Variants in NCOA3 observed in about 807,000 individuals in gnomAD.
NCOA3 encodes CBP-interacting protein.
A neutral mutation model predicts 158.8 loss-of-function variants in NCOA3; 51 were observed. That is an observed-to-expected ratio of 0.32 (90% CI 0.26 to 0.41). The LOEUF (loss-of-function observed/expected upper bound fraction) is 0.41. Among genes scored for constraint, NCOA3 ranks in the 10% least tolerant of loss-of-function variants. NCOA3 has a pLI of 1.00. For synonymous variants in NCOA3, 537 were observed against 592.4 expected, an observed-to-expected ratio of 0.91 and a Z score of 1.36; for missense variants, 1,510 against 1,746.6, an observed-to-expected ratio of 0.86 and a Z score of 2.41.
At chr20:47,563,269 A>G (rs1741747509) in intron 1 of NCOA3, among the ~76,000 whole-genome samples, 3 of 152,380 alleles carry the variant, frequency 2.0e-5, no homozygotes, top group African/African-American at 7.2e-5. Flanking sequence ...TAAAAATTAC[A>G]ACAAAATTAT....
At chr20:47,523,134 C>G (rs1288260427) in intron 1 of NCOA3, among the ~76,000 whole-genome samples, 1 of 152,112 alleles carries the variant, frequency 6.6e-6, no homozygotes, top group Non-Finnish European at 1.5e-5. Context: ...TGCAGTGAGC[C>G]GAGATCGCGC....
At chr20:47,514,965 A>G (rs6125037) in intron 1 of NCOA3, among the ~76,000 whole-genome samples, 46,822 of 150,594 alleles carry the variant, frequency 0.31, 8,012 homozygotes, top group Non-Finnish European at 0.39. Flanking sequence ...GATTACAGGC[A>G]TGAGCCACCA....
intron 22 of NCOA3, 145 bp from the exon 23 acceptor site, chr20:47,653,261 T>C (rs1042526229): frequency 6.7e-6 from 8 of 1,190,410 alleles, no homozygotes; most frequent in Non-Finnish European, 9.3e-6. Flanking sequence ...CAGAGCTGCA[T>C]TGTAAGATGG....
rs1406540806 is a variant in NCOA3 at position 47,558,315 on chromosome 20, CA to C, written c.-98-24867del. ...CAGGCTGGTCTCAAACTCTTGACCT[CA>C]GGTGATCTGCCTGCCTCGGCGTCCC... On this transcript the variant is annotated intron_variant, in intron 1 of 22. Coordinates refer to ENST00000371998, the MANE Select transcript of NCOA3 (RefSeq NM_181659.3). Among the ~76,000 whole-genome samples the C allele has an allele frequency of 2.2e-5, 3 of 137,002 alleles. No homozygotes were observed. In the Admixed American group the frequency reaches 2.4e-4, roughly 11 times the overall value. The allele number at this position is 137,002 out of a possible 152,430, so 89.9% of individuals were successfully genotyped here.
chr20:47,577,641 T>C (rs142576273), intron 1 of NCOA3, among the ~76,000 whole-genome samples: 1 of 152,322 alleles, frequency 6.6e-6, no homozygotes, highest in African/African-American at 2.4e-5. Context: ...CCTAATTAAT[T>C]GATGGCAGCA....
At chr20:47,557,224 T>C (rs2085021023) in intron 1 of NCOA3, among the ~76,000 whole-genome samples, 1 of 148,802 alleles carries the variant, frequency 6.7e-6, no homozygotes, top group South Asian at 2.1e-4. Flanking sequence ...TTCAGAAAGC[T>C]TTAATAGCTT....
chr20:47,560,864 G>C (rs766256834), intron 1 of NCOA3, among the ~76,000 whole-genome samples: 9 of 151,600 alleles, frequency 5.9e-5, no homozygotes, highest in Admixed American at 2.0e-4. Context: ...TTGAGTTATA[G>C]GTGGTTTTGG....
intron 2 of NCOA3, among the ~76,000 whole-genome samples, chr20:47,612,262 T>TA (rs149467793): frequency 7.3e-5 from 11 of 150,878 alleles, no homozygotes; most frequent in South Asian, 2.1e-4. Flanking sequence ...TGGTGGTAGT[T>TA]AAAAAAAAAA....
chr20:47,526,459 A>C (rs913440306), intron 1 of NCOA3, among the ~76,000 whole-genome samples: 3 of 152,170 alleles, frequency 2.0e-5, no homozygotes, highest in Non-Finnish European at 2.9e-5. Flanking sequence ...ACTGCACTCC[A>C]GCCTGGGCAC....
chr20:47,514,886 T>C (rs2084207163), intron 1 of NCOA3, among the ~76,000 whole-genome samples: 1 of 151,674 alleles, frequency 6.6e-6, no homozygotes, highest in African/African-American at 2.4e-5. Context: ...AGTTTTGCCA[T>C]GTTGGCCAGG....
intron 2 of NCOA3, among the ~76,000 whole-genome samples, chr20:47,596,091 C>T (rs900889702): frequency 1.1e-4 from 17 of 152,166 alleles, no homozygotes; most frequent in Non-Finnish European, 2.2e-4. Context: ...AACTGAAGAA[C>T]GGGACGGTCA....
At chr20:47,522,014 C>T (rs1341270221) in intron 1 of NCOA3, among the ~76,000 whole-genome samples, 3 of 151,750 alleles carry the variant, frequency 2.0e-5, no homozygotes. Flanking sequence ...GCCTTTGCTT[C>T]CATGAACACA....
At chr20:47,584,807 G>A (rs977986124) in intron 2 of NCOA3, among the ~76,000 whole-genome samples, 2 of 152,058 alleles carry the variant, frequency 1.3e-5, no homozygotes, top group African/African-American at 4.8e-5. Context: ...CAGAACAAAT[G>A]CAGTTCAAAT....
rs112954304 is a variant in NCOA3 at position 47,539,383 on chromosome 20, C to T, written c.-99+37364C>T. Among the ~76,000 whole-genome samples the T allele has an allele frequency of 2.0e-5, 3 of 152,286 alleles. No individual in the cohort carries two copies. In the South Asian group the frequency reaches 6.2e-4, roughly 32 times the overall value. On this transcript the variant is annotated intron_variant, in intron 1 of 22. Transcript: ENST00000371998. ...AAAAGTTATGCTAATAGAACATAAA[C>T]TATTTGAGGACTGGGAGGTATCTGT...
At chr20:47,557,937 C>G (rs1198802574) in intron 1 of NCOA3, among the ~76,000 whole-genome samples, 2 of 152,148 alleles carry the variant, frequency 1.3e-5, no homozygotes, top group East Asian at 1.9e-4. Context: ...GGCTAGCATT[C>G]CAAAATCAGA....
chr20:47,531,879 G>A (rs139225171), intron 1 of NCOA3, among the ~76,000 whole-genome samples: 5 of 151,978 alleles, frequency 3.3e-5, no homozygotes, highest in African/African-American at 1.2e-4. Flanking sequence ...TCTTTACTGC[G>A]TGTGTTCTCT....
intron 1 of NCOA3, among the ~76,000 whole-genome samples, chr20:47,526,034 A>G (rs1277766354): frequency 6.8e-6 from 1 of 146,800 alleles, no homozygotes; most frequent in Non-Finnish European, 1.5e-5. Flanking sequence ...GGGGCTCCTC[A>G]CTTCTCAGAC....
chr20:47,551,735 G>A (rs1325655872), intron 1 of NCOA3, among the ~76,000 whole-genome samples: 2 of 152,182 alleles, frequency 1.3e-5, no homozygotes, highest in African/African-American at 4.8e-5. Context: ...ATTTGTGTAT[G>A]CCATAGCAAT....
chr20:47,521,589 G>T (rs1473440628), intron 1 of NCOA3, among the ~76,000 whole-genome samples: 1 of 152,024 alleles, frequency 6.6e-6, no homozygotes, highest in Non-Finnish European at 1.5e-5. Context: ...AAATGGCTGT[G>T]GCAGAGCAGG....
Sources: allele counts gnomAD v4.1 joint callset (sites outside exome capture counted in the v4.1 genomes callset), GRCh38; gene constraint gnomAD v4.1.1; transcripts MANE v1.5; gene names NCBI Gene and HGNC (gene_info 2026-07-23, HGNC 2026-07-21).